SORCS3: variants seen among roughly 807,000 people sequenced by gnomAD.
SORCS3 encodes VPS10 domain-containing receptor SorCS3.
A neutral mutation model predicts 146.3 loss-of-function variants in SORCS3; 57 were observed. The ratio of observed to expected loss-of-function variants is 0.39; its 90% CI spans 0.31 to 0.49. SORCS3 has a LOEUF of 0.49. Ranked by LOEUF, SORCS3 falls within the 20% of genes least tolerant of loss-of-function variation. The probability of loss-of-function intolerance (pLI) is 0.92; values close to 1 mark genes in which losing one functional copy is unlikely to be tolerated. For missense variants in SORCS3, 1,341 were observed against 1,575.5 expected (o/e 0.85, Z 2.52); for synonymous variants, 653 against 618.5 (o/e 1.06, Z -0.83).
chr10:105,240,729 GAA>G (rs2056817005), intron 20 of SORCS3, among the ~76,000 whole-genome samples: 1 of 151,820 alleles, frequency 6.6e-6, no homozygotes, highest in Non-Finnish European at 1.5e-5. Flanking sequence ...CTGAGTTTTG[GAA>G]AAGACATTCA....
At chr10:105,011,499 G>A (rs2055136006) in intron 4 of SORCS3, among the ~76,000 whole-genome samples, 1 of 152,170 alleles carries the variant, frequency 6.6e-6, no homozygotes, top group Non-Finnish European at 1.5e-5. Flanking sequence ...TGTATCAACA[G>A]TTCATTCCTT....
chr10:105,164,193 C>A, intron 11 of SORCS3, 110 bp from the exon 12 acceptor site: 1 of 779,442 alleles, frequency 1.3e-6, no homozygotes, highest in Non-Finnish European at 2.2e-6. Context: ...CACAAATTAG[C>A]TGTAAATATC....
intron 20 of SORCS3, among the ~76,000 whole-genome samples, chr10:105,242,966 G>A (rs1299214021): frequency 1.8e-5 from 2 of 112,778 alleles, no homozygotes; most frequent in Admixed American, 1.2e-4. Flanking sequence ...ATTATATATT[G>A]TATGATATAT....
intron 14 of SORCS3, among the ~76,000 whole-genome samples, chr10:105,198,338 G>A (rs2056555455): frequency 6.6e-6 from 1 of 152,102 alleles, no homozygotes; most frequent in African/African-American, 2.4e-5. Context: ...GAATGCGAGA[G>A]TTTTGAAGGC....
intron 1 of SORCS3, among the ~76,000 whole-genome samples, chr10:104,700,657 A>G (rs1339392611): frequency 1.4e-5 from 2 of 142,660 alleles, no homozygotes; most frequent in African/African-American, 2.5e-5. Context: ...GCCAGACTAA[A>G]GTGGGGGTGG....
At position 104,843,775 on chromosome 10, in the gene SORCS3, A is replaced by T. The variant is rs188952281; in HGVS notation, c.695+916A>T. Among the ~76,000 whole-genome samples the T allele has an allele frequency of 1.6e-3, 239 of 152,352 alleles. 1 individual carries two copies. The highest frequency in any genetic ancestry group is 3.4e-3 in the Middle Eastern group (1 of 294). ...CATTGACGTGCAGTCACACTGGTCG[A>T]CAGCGGGTCTTATCAGTCACTGGGA... On this transcript the variant is annotated intron_variant, in intron 2 of 26. Transcript: ENST00000369701.
intron 7 of SORCS3, among the ~76,000 whole-genome samples, chr10:105,136,863 AC>A (rs2056062309): frequency 1.3e-5 from 2 of 152,130 alleles, no homozygotes; most frequent in Non-Finnish European, 2.9e-5. Flanking sequence ...GGACCATTCG[AC>A]AATGCATTTA....
chr10:104,939,258 A>G (rs1323652204), intron 3 of SORCS3, among the ~76,000 whole-genome samples: 16 of 152,108 alleles, frequency 1.1e-4, no homozygotes, highest in Admixed American at 8.5e-4. Context: ...CCTCCCTAGC[A>G]TGTATCTTCC....
intron 3 of SORCS3, among the ~76,000 whole-genome samples, chr10:104,945,794 T>G (rs1047072203): frequency 6.6e-6 from 1 of 152,040 alleles, no homozygotes; most frequent in Non-Finnish European, 1.5e-5. Context: ...CCAACTTTTT[T>G]TTTTTTTAAA....
chr10:105,016,549 G>A (rs2055169043), intron 4 of SORCS3, among the ~76,000 whole-genome samples: 1 of 152,036 alleles, frequency 6.6e-6, no homozygotes, highest in African/African-American at 2.4e-5. Flanking sequence ...TCAGCACCAT[G>A]TCTGTAGTCT....
chr10:104,991,503 C>T (rs11192267), intron 4 of SORCS3, among the ~76,000 whole-genome samples: 35,799 of 139,092 alleles, frequency 0.26, 6,442 homozygotes, highest in African/African-American at 0.54. Flanking sequence ...CCTCTTCTTC[C>T]TTTTTTTTTT....
At chr10:105,163,901 C>G (rs190006174) in intron 11 of SORCS3, among the ~76,000 whole-genome samples, 1,941 of 151,552 alleles carry the variant, frequency 0.013, 38 homozygotes, top group African/African-American at 0.045. Context: ...CACACACACA[C>G]ACACACACAC....
intron 2 of SORCS3, 145 bp from the exon 3 acceptor site, chr10:104,915,688 T>A (rs1487051668): frequency 1.2e-5 from 8 of 672,980 alleles, no homozygotes; most frequent in Admixed American, 2.4e-5. Flanking sequence ...TCTTCTAAAA[T>A]TAATGGGGCT....
chr10:105,035,079 T>C (rs2055296916), intron 4 of SORCS3, among the ~76,000 whole-genome samples: 1 of 152,194 alleles, frequency 6.6e-6, no homozygotes, highest in Non-Finnish European at 1.5e-5. Context: ...AATCTTGTTG[T>C]CACTGGCCCT....
intron 22 of SORCS3, among the ~76,000 whole-genome samples, chr10:105,250,304 A>G (rs1003200807): frequency 1.3e-5 from 2 of 152,156 alleles, no homozygotes. Flanking sequence ...CATTCAGATC[A>G]TAGCATATGT....
At chr10:104,859,706 T>C (rs1411839704) in intron 2 of SORCS3, among the ~76,000 whole-genome samples, 2 of 151,956 alleles carry the variant, frequency 1.3e-5, no homozygotes, top group Non-Finnish European at 2.9e-5. Context: ...TACAATGAAC[T>C]CAAACAAATT....
chr10:105,147,214 C>T (rs2056137405), intron 8 of SORCS3, among the ~76,000 whole-genome samples: 2 of 152,072 alleles, frequency 1.3e-5, no homozygotes, highest in East Asian at 1.9e-4. Flanking sequence ...CTGTGTAAAC[C>T]ACCATACTAC....
intron 5 of SORCS3, among the ~76,000 whole-genome samples, chr10:105,085,643 C>A (rs1476601863): frequency 6.6e-6 from 1 of 152,196 alleles, no homozygotes; most frequent in African/African-American, 2.4e-5. Flanking sequence ...TATACACACA[C>A]CTTCACAAAC....
At chr10:105,105,313 C>A (rs2055813165) in intron 6 of SORCS3, 84 bp from the exon 7 acceptor site, 1 of 766,754 alleles carries the variant, frequency 1.3e-6, no homozygotes, top group African/African-American at 1.8e-5. Context: ...TTGATTCCCC[C>A]ATGAAGTAGA....
Sources: gnomAD v4.1 joint callset for allele counts (sites outside exome capture counted in the v4.1 genomes callset) on GRCh38, gnomAD v4.1.1 for gene constraint, MANE v1.5 for transcripts, NCBI Gene and HGNC (gene_info 2026-07-23, HGNC 2026-07-21) for gene names.